TMEM14A: variants seen among roughly 807,000 people sequenced by gnomAD.
The protein encoded by TMEM14A is transmembrane protein 14A.
A neutral mutation model predicts 11.6 loss-of-function variants in TMEM14A; 8 were observed. The ratio of observed to expected loss-of-function variants is 0.69; its 90% confidence interval spans 0.40 to 1.24. The LOEUF is 1.24. Among genes scored for constraint, TMEM14A ranks in the 50% most tolerant of loss-of-function variants. The pLI is 0.01. For missense variants in TMEM14A, 108 were observed against 121.9 expected (o/e 0.89, Z 0.54); for synonymous variants, 34 against 45.5 (o/e 0.75, Z 1.02).
chr6:52,684,042 T>C, intron 3 of TMEM14A, 36 bp from the exon 4 acceptor site: 1 of 1,595,392 alleles, frequency 6.3e-7, no homozygotes, highest in African/African-American at 1.3e-5. Flanking sequence ...GATAACATGT[T>C]TGAAACTCTG....
intron 1 of TMEM14A, among the ~76,000 whole-genome samples, chr6:52,674,981 A>T (rs1769229290): frequency 6.9e-6 from 1 of 145,368 alleles, no homozygotes; most frequent in Non-Finnish European, 1.5e-5. Context: ...GGTTCAAGGG[A>T]TTTTCCGGTC....
At chr6:52,684,190 A>G (rs1430992576) in intron 4 of TMEM14A, 25 bp downstream of exon 4, 2 of 1,596,000 alleles carry the variant, frequency 1.3e-6, no homozygotes, top group African/African-American at 1.3e-5. Flanking sequence ...TTTGATCAAT[A>G]CTTTCCTCTG....
chr6:52,683,480 C>A (rs369195789), intron 3 of TMEM14A, among the ~76,000 whole-genome samples: 330 of 100,996 alleles, frequency 3.3e-3, no homozygotes, highest in Non-Finnish European at 4.2e-3. Context: ...ACAACAACAA[C>A]AACAAAAAAA....
At chr6:52,684,271 A>G (rs2127266045) in intron 4 of TMEM14A, 106 bp downstream of exon 4, 2 of 1,004,080 alleles carry the variant, frequency 2.0e-6, no homozygotes, top group East Asian at 5.3e-5. Context: ...CCTTTTTGTT[A>G]TAATAAGCAT....
intron 2 of TMEM14A, among the ~76,000 whole-genome samples, chr6:52,680,980 C>A (rs1469667863): frequency 6.6e-6 from 1 of 151,186 alleles, no homozygotes; most frequent in Admixed American, 6.6e-5. Flanking sequence ...TTAACCCTGG[C>A]TGCACATTTG....
chr6:52,680,669 G>GTGTGTGTATATA (rs1769360469), intron 2 of TMEM14A, among the ~76,000 whole-genome samples: 3 of 35,968 alleles, frequency 8.3e-5, no homozygotes, highest in Non-Finnish European at 1.8e-4. Flanking sequence ...ATATATATGT[G>GTGTGTGTATATA]TATATATATA....
chr6:52,685,443 A>G (rs944080839), intron 4 of TMEM14A, among the ~76,000 whole-genome samples: 1 of 151,990 alleles, frequency 6.6e-6, no homozygotes, highest in South Asian at 2.1e-4. Flanking sequence ...AAATTAGCCA[A>G]GTGTGGTGGC....
At position 52,677,095 on chromosome 6, in the gene TMEM14A, C is replaced by G. The variant is rs777052554; in HGVS notation, c.-8C>G. 3 of 1,614,132 alleles carry G rather than the reference C, an allele frequency of 1.9e-6. No homozygotes were observed. The highest frequency in any genetic ancestry group is 1.6e-4 in the Middle Eastern group (1 of 6,062). ...TTTCCCCCTTGCTTTAGAATTGCAA[C>G]CTTGCCAATGGACCTGATCGGTTTT... On this transcript the variant is annotated 5_prime_UTR_variant, in exon 2 of 5. Coordinates refer to ENST00000211314, the MANE Select transcript of TMEM14A (RefSeq NM_014051.4).
chr6:52,679,075 G>A (rs570279607), intron 2 of TMEM14A, among the ~76,000 whole-genome samples: 77 of 152,286 alleles, frequency 5.1e-4, no homozygotes, highest in South Asian at 1.0e-3. Context: ...TGTTTAGTGG[G>A]AGGACACAGA....
chr6:52,676,985 T>C, intron 1 of TMEM14A, 102 bp from the exon 2 acceptor site: 1 of 1,044,112 alleles, frequency 9.6e-7, no homozygotes, highest in South Asian at 1.4e-5. Flanking sequence ...GAAATTTGGG[T>C]GGGGACACAC....
intron 2 of TMEM14A, among the ~76,000 whole-genome samples, 192 bp from the exon 3 acceptor site, chr6:52,681,621 T>C (rs1039796826): frequency 6.6e-6 from 1 of 152,168 alleles, no homozygotes; most frequent in Non-Finnish European, 1.5e-5. Context: ...TGCCTTGCAT[T>C]TGGGTTCAGC....
At position 52,686,123 on chromosome 6, in the gene TMEM14A, A is replaced by G; in HGVS notation, c.*74A>G. 2 of 1,400,618 alleles carry G rather than the reference A, an allele frequency of 1.4e-6. No individual in the cohort carries two copies. The highest frequency in any genetic ancestry group is 1.5e-5 in the African/African-American group (1 of 68,822). 86.8% of individuals were successfully genotyped at this position (1,400,618 alleles called of 1,614,324 possible). ...GCAGAGCATATTTTTTTTGTATTTAAAAGATAAACTTCAATATGGAATGCT... is the reference window on the plus strand; with the variant it reads ...GCAGAGCATATTTTTTTTGTATTTAGAAGATAAACTTCAATATGGAATGCT... On this transcript the variant is annotated 3_prime_UTR_variant, in exon 5 of 5. Transcript: ENST00000211314.
At chr6:52,678,721 G>A (rs1032750151) in intron 2 of TMEM14A, among the ~76,000 whole-genome samples, 1 of 152,170 alleles carries the variant, frequency 6.6e-6, no homozygotes, top group Non-Finnish European at 1.5e-5. Flanking sequence ...AAATTAATCT[G>A]TTAGGATTAA....
chr6:52,674,620 T>G (rs1250275640), intron 1 of TMEM14A, among the ~76,000 whole-genome samples: 1 of 152,088 alleles, frequency 6.6e-6, no homozygotes. Flanking sequence ...CATTATAACC[T>G]CTTTATTATT....
chr6:52,683,214 C>A (rs1769423838), intron 3 of TMEM14A, among the ~76,000 whole-genome samples: 1 of 152,110 alleles, frequency 6.6e-6, no homozygotes, highest in Non-Finnish European at 1.5e-5. Context: ...AATCTCAGCA[C>A]TTTTGGAGGC....
At chr6:52,674,790 T>C (rs1233654726) in intron 1 of TMEM14A, among the ~76,000 whole-genome samples, 2 of 152,272 alleles carry the variant, frequency 1.3e-5, no homozygotes, top group East Asian at 3.9e-4. Flanking sequence ...TGCCTCCTTT[T>C]TGGTGCTGTC....
chr6:52,678,345 G>C (rs922926890), intron 2 of TMEM14A, among the ~76,000 whole-genome samples: 1 of 150,822 alleles, frequency 6.6e-6, no homozygotes, highest in Non-Finnish European at 1.5e-5. Flanking sequence ...GTGTGTGTGT[G>C]TGTGTGTGTG....
At chr6:52,677,569 TA>T (rs1769281930) in intron 2 of TMEM14A, among the ~76,000 whole-genome samples, 1 of 152,140 alleles carries the variant, frequency 6.6e-6, no homozygotes, top group Non-Finnish European at 1.5e-5. Context: ...AATATTCAGT[TA>T]TCATATCCAA....
chr6:52,684,760 A>T (rs1404865040), intron 4 of TMEM14A, among the ~76,000 whole-genome samples: 1 of 152,248 alleles, frequency 6.6e-6, no homozygotes, highest in Non-Finnish European at 1.5e-5. Context: ...AGCCATAAAC[A>T]TGTTTATTTC....
Sources: allele counts gnomAD v4.1 joint callset (sites outside exome capture counted in the v4.1 genomes callset), GRCh38; gene constraint gnomAD v4.1.1; transcripts MANE v1.5; gene names NCBI Gene and HGNC (gene_info 2026-07-23, HGNC 2026-07-21).